The following NFKB2 variants were observed in gnomAD, a reference collection of about 807,000 sequenced individuals.
The protein encoded by NFKB2 is nuclear factor NF-kappa-B p100 subunit.
Under a neutral mutation model 109.3 loss-of-function variants are expected in NFKB2, and 21 were observed. That is an observed-to-expected ratio of 0.19 (90% CI 0.14 to 0.28). The LOEUF is 0.28. Among genes scored for constraint, NFKB2 ranks in the 10% least tolerant of loss-of-function variants. The pLI, the probability that NFKB2 is intolerant of heterozygous loss-of-function variation, is 1.00. For missense variants in NFKB2, 806 were observed against 1,185.3 expected, an observed-to-expected ratio of 0.68 and a Z score of 4.70; for synonymous variants, 478 against 489.9, an observed-to-expected ratio of 0.98 and a Z score of 0.32.
upstream of NFKB2, among the ~76,000 whole-genome samples, chr10:102,395,158 C>T (rs1234198864): frequency 7.7e-6 from 1 of 130,232 alleles, no homozygotes; most frequent in Non-Finnish European, 1.5e-5. Flanking sequence ...CGCCCAGAAC[C>T]GGTGCGGTGT....
Position 102,401,697 on chromosome 10 carries a change from A to C in NFKB2, c.2294-48A>C, listed in dbSNP as rs781287720. The C allele has an allele frequency of 3.2e-6, 5 of 1,561,264 alleles. No homozygotes were observed. The highest frequency in any genetic ancestry group is 4.3e-6 in the Non-Finnish European group (5 of 1,151,154). On this transcript the variant is annotated intron_variant, in intron 20 of 22. Transcript: ENST00000661543. The surrounding 1 kb of genome is among the most constrained non-coding windows in gnomAD (Gnocchi z 4.2). ...GCAGTGTTCAGGTGTCCATGTCCCC[A>C]CCCAACTCTGGAGGTAAATGACATG...
Position 102,396,933 on chromosome 10 carries a change from C to T in NFKB2, c.273C>T (p.Ile91=), listed in dbSNP as rs762145275. The T allele has an allele frequency of 1.2e-5, 19 of 1,606,360 alleles. No homozygotes were observed. Among genetic ancestry groups the T allele is most frequent in the East Asian group, 6.7e-5 (3 of 44,598 alleles). The change falls in exon 6 of 23, where the codon ATC becomes ATT. Residue 91 remains isoleucine, a synonymous_variant. Coordinates refer to ENST00000661543, the MANE Select transcript of NFKB2 (RefSeq NM_001322934.2). The surrounding 1 kb of genome is among the most constrained non-coding windows in gnomAD (Gnocchi z 5.9). The part of the protein sequence containing the change: ...KICNYEGPAK[I]EVDLVTHSDP... ...GTAACTACGAGGGACCAGCCAAGAT[C>T]GAGGTGGACCTGGTAACACACAGTG...
chr10:102,400,886 A>AG lies in NFKB2; in HGVS notation c.1969-53dup, dbSNP rs1008676146. On this transcript the variant is annotated intron_variant, in intron 17 of 22. Coordinates refer to ENST00000661543, the MANE Select transcript of NFKB2 (RefSeq NM_001322934.2). The surrounding 1 kb of genome is among the most constrained non-coding windows in gnomAD (Gnocchi z 6.3). Reference sequence around the variant, plus strand: ...GTGGTGGAGGGGCCAAAGATGGTGAAGGGGGGGGCTGGCCAAGGGGACCAT... The same window carrying AG: ...GTGGTGGAGGGGCCAAAGATGGTGAAGGGGGGGGGCTGGCCAAGGGGACCAT... The AG allele has an allele frequency of 1.4e-4, 218 of 1,520,552 alleles. 1 individual carries two copies. Among genetic ancestry groups the AG allele is most frequent in the Admixed American group, 6.5e-4 (35 of 53,550 alleles). The allele number at this position is 1,520,552 out of a possible 1,614,324, so 94.2% of individuals were successfully genotyped here. A position where few individuals can be genotyped will look rare whatever the true frequency, so the allele number is the denominator to read the frequency against.
At chr10:102,394,815 G>A (rs2061070946), upstream of NFKB2, 1 of 152,338 alleles carries the variant, frequency 6.6e-6, no homozygotes, top group Non-Finnish European at 1.5e-5. Flanking sequence ...ACACGGCAGC[G>A]TCCGTGCAGT....
In NFKB2 at chr10:102,396,398, C is replaced by T; in HGVS notation, c.104-51C>T. ...GGGAGGGAGAGCATGTGCCCTCTCT[C>T]TGGGGGAGGGGCTGGGAGATCGTGG... On this transcript the variant is annotated intron_variant, in intron 3 of 22. Transcript: ENST00000661543. This position sits in a 1 kb window ranked among gnomAD's most constrained non-coding sequence, Gnocchi z 5.9. The T allele has an allele frequency of 6.2e-7, 1 of 1,614,134 alleles. No homozygotes were observed. Among genetic ancestry groups the T allele is most frequent in the Middle Eastern group, 1.6e-4 (1 of 6,062 alleles).
In NFKB2 at chr10:102,399,516, G is replaced by A. The variant is rs993948867; in HGVS notation, c.1327+19G>A. 2.7e-6 allele frequency: 4 copies of A among 1,499,100 alleles called. No individual in the cohort carries two copies. The highest frequency in any genetic ancestry group is 3.6e-6 in the Non-Finnish European group (4 of 1,123,074). The allele number at this position is 1,499,100 out of a possible 1,614,324, so 92.9% of individuals were successfully genotyped here. A position where few individuals can be genotyped will look rare whatever the true frequency, so the allele number is the denominator to read the frequency against. On this transcript the variant is annotated intron_variant, in intron 13 of 22. Coordinates refer to ENST00000661543, the MANE Select transcript of NFKB2 (RefSeq NM_001322934.2). ...CAGCGAGGTATGGACTCCGGGGCAC[G>A]GGCGGTCGGGGCGCCGGGGCTGAGG...
At chr10:102,399,872 T>G in intron 14 of NFKB2, 154 bp downstream of exon 14, 1 of 1,239,276 alleles carries the variant, frequency 8.1e-7, no homozygotes, top group Non-Finnish European at 1.1e-6. Flanking sequence ...TCTCCAAACT[T>G]CAGTTTGGTC....
In NFKB2 at chr10:102,402,406, G is replaced by T; in HGVS notation, c.*30G>T. 2.9e-6 allele frequency: 4 copies of T among 1,384,282 alleles called. No homozygotes were observed. Among genetic ancestry groups the T allele is most frequent in the Non-Finnish European group, 3.9e-6 (4 of 1,012,852 alleles). The allele number at this position is 1,384,282 out of a possible 1,614,324, so 85.7% of individuals were successfully genotyped here. A position where few individuals can be genotyped will look rare whatever the true frequency, so the allele number is the denominator to read the frequency against. Reference sequence around the variant, plus strand: ...CTGCCTGCCCCCAGCCCCCTTCCCGGACCCCCTGTACAGCGTCCCCACCTA... The same window carrying T: ...CTGCCTGCCCCCAGCCCCCTTCCCGTACCCCCTGTACAGCGTCCCCACCTA... On this transcript the variant is annotated 3_prime_UTR_variant, in exon 23 of 23. Coordinates refer to ENST00000661543, the MANE Select transcript of NFKB2 (RefSeq NM_001322934.2).
chr10:102,398,880 T>A lies in NFKB2; in HGVS notation c.1117+16T>A. 6.3e-7 allele frequency: 1 copy of A among 1,581,052 alleles called. No homozygotes were observed. The highest frequency in any genetic ancestry group is 8.6e-7 in the Non-Finnish European group (1 of 1,165,536). The stretch of plus-strand genomic sequence containing the variant: ...GCTGGAGGAGGTGAGGGGGTACTGA[T>A]GGAGGGAGGGGTAAAGGTAAGAGAA... On this transcript the variant is annotated intron_variant, in intron 12 of 22. Coordinates refer to ENST00000661543, the MANE Select transcript of NFKB2 (RefSeq NM_001322934.2). This position sits in a 1 kb window ranked among gnomAD's most constrained non-coding sequence, Gnocchi z 6.6.
rs1346289973 is a variant in NFKB2, at chr10:102,400,711, C to T, written c.1855C>T (p.Leu619=). The T allele has an allele frequency of 6.2e-7, 1 of 1,614,020 alleles. No homozygotes were observed. The highest frequency in any genetic ancestry group is 8.5e-7 in the Non-Finnish European group (1 of 1,179,980). Residue 619 remains leucine, a synonymous_variant, in exon 17 of 23, where the codon CTG becomes TTG. Coordinates refer to ENST00000661543, the MANE Select transcript of NFKB2 (RefSeq NM_001322934.2). This position sits in a 1 kb window ranked among gnomAD's most constrained non-coding sequence, Gnocchi z 6.3. ...CCGAAGCCCTGAGTGCCTGGATCTG[C>T]TGGTGGACAGTGGGGCTGAAGTGGA... The part of the protein sequence containing the change: ...RARSPECLDL[L]VDSGAEVEAT...
chr10:102,396,072 A>G lies in NFKB2; in HGVS notation c.21+92A>G. On this transcript the variant is annotated intron_variant, in intron 2 of 22. Coordinates refer to ENST00000661543, the MANE Select transcript of NFKB2 (RefSeq NM_001322934.2). This position sits in a 1 kb window ranked among gnomAD's most constrained non-coding sequence, Gnocchi z 5.9. Reference sequence around the variant, plus strand: ...GCCCCCTCTGCTGCCTTACACCTGTATGCTCGCAGATGCTCTCAGCCTGCC... The same window carrying G: ...GCCCCCTCTGCTGCCTTACACCTGTGTGCTCGCAGATGCTCTCAGCCTGCC... 1 of 1,529,012 alleles carries G rather than the reference A, an allele frequency of 6.5e-7. No homozygotes were observed. 94.7% of individuals were successfully genotyped at this position (1,529,012 alleles called of 1,614,324 possible). A position where few individuals can be genotyped will look rare whatever the true frequency, so the allele number is the denominator to read the frequency against.
chr10:102,401,683 GT>G lies in NFKB2; in HGVS notation c.2294-61del. The G allele has an allele frequency of 6.4e-7, 1 of 1,554,148 alleles. No homozygotes were observed. ...ACCTTGGGAGAAAGGCAGTGTTCAG[GT>G]GTCCATGTCCCCACCCAACTCTGGA... On this transcript the variant is annotated intron_variant, in intron 20 of 22. Coordinates refer to ENST00000661543, the MANE Select transcript of NFKB2 (RefSeq NM_001322934.2). The surrounding 1 kb of genome is among the most constrained non-coding windows in gnomAD (Gnocchi z 4.2).
At chr10:102,395,556 T>C (rs1589856500), upstream of NFKB2, 4 of 336,520 alleles carry the variant, frequency 1.2e-5, no homozygotes, top group East Asian at 9.7e-5. Context: ...CCTAGACCTC[T>C]GCCCGCTGAA....
At chr10:102,395,829 T>G in intron 1 of NFKB2, 33 bp downstream of exon 1, 2 of 42,794 alleles carry the variant, frequency 4.7e-5, no homozygotes, top group Non-Finnish European at 9.0e-5. Context: ...GGCCCCCATC[T>G]CCCGCCCACC....
At position 102,400,949 on chromosome 10, in the gene NFKB2, C is replaced by G. The variant is rs1235585705; in HGVS notation, c.1971C>G (p.Leu657=). The change falls in exon 18 of 23, where the codon CTC becomes CTG. Residue 657 remains leucine (L), a splice_region_variant and synonymous_variant. Transcript: ENST00000661543. The surrounding 1 kb of genome is among the most constrained non-coding windows in gnomAD (Gnocchi z 6.3). Reference sequence around the variant, plus strand: ...ACTCTCGCTGCTCGCACCCCCAGCTCCGGGCCAACGTGAACGCTCGCACCT... The same window carrying G: ...ACTCTCGCTGCTCGCACCCCCAGCTGCGGGCCAACGTGAACGCTCGCACCT... ...LGLVTHLVTK[L]RANVNARTFA... 3 of 1,612,544 alleles carry G rather than the reference C, an allele frequency of 1.9e-6. No homozygotes were observed. The highest frequency in any genetic ancestry group is 2.5e-6 in the Non-Finnish European group (3 of 1,179,304).
At chr10:102,395,470 G>A (rs1044318764), upstream of NFKB2, among the ~76,000 whole-genome samples, 2 of 152,166 alleles carry the variant, frequency 1.3e-5, no homozygotes, top group African/African-American at 4.8e-5. Context: ...GCCTCCTCCC[G>A]GCCGTGAAAG....
Position 102,399,448 on chromosome 10 carries a change from C to T in NFKB2, c.1278C>T (p.Pro426=). The T allele has an allele frequency of 1.3e-6, 2 of 1,516,110 alleles. No homozygotes were observed. Among genetic ancestry groups the T allele is most frequent in the Non-Finnish European group, 1.8e-6 (2 of 1,129,478 alleles). The allele number at this position is 1,516,110 out of a possible 1,614,324, so 93.9% of individuals were successfully genotyped here. The part of the protein sequence containing the change: ...SGEEAAEPSA[P]SRTPQCEPQA... ...AGGAAGCCGCGGAGCCAAGCGCCCC[C>T]TCCAGGACCCCCCAGTGCGAGCCGC... Residue 426 remains proline (P), a synonymous_variant, in exon 13 of 23, where the codon CCC becomes CCT. Transcript: ENST00000661543.
chr10:102,398,839 C>G lies in NFKB2; in HGVS notation c.1092C>G (p.Ala364=). The G allele has an allele frequency of 1.2e-6, 2 of 1,601,852 alleles. No individual in the cohort carries two copies. Among genetic ancestry groups the G allele is most frequent in the East Asian group, 2.2e-5 (1 of 44,784 alleles). ...SHMGGGSGGA[A]GGYGGAGGGG... ...TGGGTGGAGGCTCTGGGGGTGCAGCCGGGGGCTACGGAGGAGCTGGAGGAG... is the reference window on the plus strand; with the variant it reads ...TGGGTGGAGGCTCTGGGGGTGCAGCGGGGGGCTACGGAGGAGCTGGAGGAG... Residue 364 remains alanine (A), a synonymous_variant, in exon 12 of 23, where the codon GCC becomes GCG. Coordinates refer to ENST00000661543, the MANE Select transcript of NFKB2 (RefSeq NM_001322934.2). The surrounding 1 kb of genome is among the most constrained non-coding windows in gnomAD (Gnocchi z 6.6).
rs1284325875 is a variant in NFKB2, at chr10:102,402,369, T to C, written c.2696T>C (p.Val899Ala). The change falls in exon 23 of 23, where the codon GTG (valine) becomes GCG (alanine). Residue 899 changes from valine to alanine, a missense_variant. Transcript: ENST00000661543. ...GLCHGHPQPQ[V>A]H ...TGCCACGGGCACCCCCAGCCTCAGG[T>C]GCACTGACCTGCTGCCTGCCCCCAG... 6.5e-7 allele frequency: 1 copy of C among 1,535,526 alleles called. No individual in the cohort carries two copies. Among genetic ancestry groups the C allele is most frequent in the Non-Finnish European group, 8.8e-7 (1 of 1,141,152 alleles).
Sources: gnomAD v4.1 joint callset for allele counts (sites outside exome capture counted in the v4.1 genomes callset) on GRCh38, gnomAD v4.1.1 for gene constraint, Gnocchi (gnomAD v3.1) non-coding constraint, MANE v1.5 for transcripts, NCBI Gene and HGNC (gene_info 2026-07-23, HGNC 2026-07-21) for gene names.